CDHR3: variants seen among roughly 807,000 people sequenced by gnomAD.
The protein encoded by CDHR3 is cadherin related family member 3.
CDHR3 carries 79 observed loss-of-function variants against 86.6 expected under a neutral mutation model. That is an observed-to-expected ratio of 0.91 (90% confidence interval 0.76 to 1.10). CDHR3 has a LOEUF of 1.10. Ranked by LOEUF, CDHR3 falls within the 50% of genes least tolerant of loss-of-function variation. The probability of loss-of-function intolerance (pLI) is 0.00; values close to 1 mark genes in which losing one functional copy is unlikely to be tolerated. For synonymous variants in CDHR3, 421 were observed against 402.4 expected, an observed-to-expected ratio of 1.05 and a Z score of -0.55; for missense variants, 1,081 against 1,077.6, an observed-to-expected ratio of 1.00 and a Z score of -0.04.
At chr7:105,996,736 G>A (rs1268608259) in intron 6 of CDHR3, among the ~76,000 whole-genome samples, 3 of 152,116 alleles carry the variant, frequency 2.0e-5, no homozygotes, top group African/African-American at 4.8e-5. Flanking sequence ...CCTAACGCCC[G>A]CTCCTAGTAT....
chr7:106,033,692 G>A lies in CDHR3; in HGVS notation c.*995G>A, dbSNP rs1838675906. ...AGAGGTGGAGGTTACAGTGAGTTGAGATTGTGCCACTGCACTCTAGCCTGG... is the reference window on the plus strand; with the variant it reads ...AGAGGTGGAGGTTACAGTGAGTTGAAATTGTGCCACTGCACTCTAGCCTGG... On this transcript the variant is annotated 3_prime_UTR_variant, in exon 19 of 19. Transcript: ENST00000317716. 1 of 152,114 alleles carries A rather than the reference G, an allele frequency of 6.6e-6. No homozygotes were observed. Among genetic ancestry groups the A allele is most frequent in the Non-Finnish European group, 1.5e-5 (1 of 68,048 alleles). 9.4% of individuals were successfully genotyped at this position (152,114 alleles called of 1,614,324 possible).
intron 9 of CDHR3, among the ~76,000 whole-genome samples, chr7:106,013,813 A>C (rs937662850): frequency 1.9e-4 from 29 of 152,210 alleles, no homozygotes; most frequent in African/African-American, 7.0e-4. Flanking sequence ...AAATTAATAC[A>C]TGTTCTCTGT....
At chr7:105,989,873 T>A (rs1831099013) in intron 4 of CDHR3, among the ~76,000 whole-genome samples, 1 of 152,140 alleles carries the variant, frequency 6.6e-6, no homozygotes. Context: ...GTCCCCACCA[T>A]ACACCCCCAC....
At chr7:105,968,497 A>C (rs1190667694) in intron 1 of CDHR3, among the ~76,000 whole-genome samples, 3 of 152,014 alleles carry the variant, frequency 2.0e-5, no homozygotes, top group Admixed American at 2.0e-4. Context: ...AGTAGCTGGG[A>C]TTACAGGCAG....
chr7:106,026,217 G>A lies in CDHR3; in HGVS notation c.2259-465G>A, dbSNP rs1235434468. ...AGCTATAGAATCCAAGGTGATCATG[G>A]GAAATCTCGTAGGGTCTGAGTCCAG... On this transcript the variant is annotated intron_variant, in intron 15 of 18. Coordinates refer to ENST00000317716, the MANE Select transcript of CDHR3 (RefSeq NM_152750.5). Among the ~76,000 whole-genome samples, 3 of 152,138 alleles carry A rather than the reference G, an allele frequency of 2.0e-5. No homozygotes were observed. In the East Asian group the frequency reaches 5.8e-4, roughly 29 times the overall value.
intron 6 of CDHR3, among the ~76,000 whole-genome samples, chr7:105,997,379 T>A (rs922048919): frequency 3.3e-5 from 5 of 152,110 alleles, no homozygotes; most frequent in African/African-American, 1.2e-4. Flanking sequence ...CTGCAGTTCC[T>A]TTTTCAATCC....
chr7:106,009,654 G>A (rs114633825), intron 8 of CDHR3, among the ~76,000 whole-genome samples: 1,727 of 152,286 alleles, frequency 0.011, 37 homozygotes, highest in African/African-American at 0.04. Context: ...TGGAGGAGGC[G>A]GGCGCCCCCT....
At position 105,984,223 on chromosome 7, in the gene CDHR3, C is replaced by A. The variant is rs768028690; in HGVS notation, c.447C>A (p.Asn149Lys). Residue 149 changes from asparagine (N) to lysine (K), a missense_variant, in exon 4 of 19, where the codon AAC (asparagine) becomes AAA (lysine). By Grantham distance (94) the Asn-to-Lys change is moderately conservative. Coordinates refer to ENST00000317716, the MANE Select transcript of CDHR3 (RefSeq NM_152750.5). ...GLHLYIVERA[N>K]PGFIYQVEAF... ...ACCTCTACATAGTAGAAAGAGCAAA[C>A]CCTGGATTCATTTACCAGGTTGAGG... The A allele has an allele frequency of 7.5e-6, 12 of 1,610,472 alleles. No individual in the cohort carries two copies. The Admixed American group carries it at 1.8e-4, about 25-fold the overall frequency.
At chr7:105,997,015 T>C (rs1182832302) in intron 6 of CDHR3, among the ~76,000 whole-genome samples, 1 of 152,076 alleles carries the variant, frequency 6.6e-6, no homozygotes, top group Admixed American at 6.5e-5. Flanking sequence ...AGCTAGTAGA[T>C]GGCACTGCAA....
intron 1 of CDHR3, among the ~76,000 whole-genome samples, chr7:105,973,009 T>C (rs1427233503): frequency 6.6e-6 from 1 of 152,210 alleles, no homozygotes; most frequent in Non-Finnish European, 1.5e-5. Flanking sequence ...TAAAACATCC[T>C]GGTTTGTTTG....
chr7:106,027,254 G>A (rs138282638), intron 16 of CDHR3, among the ~76,000 whole-genome samples: 6,265 of 152,036 alleles, frequency 0.041, 171 homozygotes, highest in South Asian at 0.13. Context: ...AAAATTAGCC[G>A]GGCATGGTGG....
chr7:106,009,299 G>T (rs1330911197), intron 8 of CDHR3, among the ~76,000 whole-genome samples: 1 of 152,206 alleles, frequency 6.6e-6, no homozygotes, highest in Non-Finnish European at 1.5e-5. Flanking sequence ...CAGGGGCGGA[G>T]GTCTTCAGCC....
In CDHR3 at chr7:106,034,902, A is replaced by AC. The variant is rs1351758872; in HGVS notation, c.*2208dup. ...AGACCAGCCTGGCCAACATGGTGAA[A>AC]CCCTGTCTCTACTAAAAAATAGAAA... On this transcript the variant is annotated 3_prime_UTR_variant, in exon 19 of 19. Coordinates refer to ENST00000317716, the MANE Select transcript of CDHR3 (RefSeq NM_152750.5). Among the ~76,000 whole-genome samples, 1 of 152,096 alleles carries AC rather than the reference A, an allele frequency of 6.6e-6. No individual in the cohort carries two copies. Among genetic ancestry groups the AC allele is most frequent in the Non-Finnish European group, 1.5e-5 (1 of 68,010 alleles).
At chr7:105,969,771 C>T (rs1827651043) in intron 1 of CDHR3, among the ~76,000 whole-genome samples, 1 of 152,180 alleles carries the variant, frequency 6.6e-6, no homozygotes, top group South Asian at 2.1e-4. Flanking sequence ...TAGTGCATAT[C>T]CTTACTTTCA....
intron 9 of CDHR3, among the ~76,000 whole-genome samples, chr7:106,014,722 G>T (rs950467972): frequency 1.3e-5 from 2 of 152,176 alleles, no homozygotes; most frequent in African/African-American, 2.4e-5. Context: ...TCAGACTGTG[G>T]TTGACTCCAA....
chr7:105,986,463 C>T (rs1389768299), intron 4 of CDHR3, among the ~76,000 whole-genome samples: 1 of 152,120 alleles, frequency 6.6e-6, no homozygotes, highest in African/African-American at 2.4e-5. Flanking sequence ...CCTCACTTGT[C>T]AAAAGGTTTA....
chr7:106,012,918 T>C lies in CDHR3; in HGVS notation c.1111T>C (p.Cys371Arg), dbSNP rs748930662. 2 of 1,613,792 alleles carry C rather than the reference T, an allele frequency of 1.2e-6. No homozygotes were observed. Among genetic ancestry groups the C allele is most frequent in the Non-Finnish European group, 1.7e-6 (2 of 1,179,802 alleles). The change falls in exon 9 of 19, where the codon TGC (cysteine) becomes CGC (arginine). Residue 371 changes from cysteine (C) to arginine (R), a missense_variant. Physicochemically the swap from Cys to Arg is radical, Grantham distance 180 (BLOSUM62 -3). Transcript: ENST00000317716. The stretch of plus-strand genomic sequence containing the variant: ...GTTGCTTCTTGACCTAAACAAGTTC[T>C]GCTTTGATGATGACAGTGAGGCACC... ...GTLLLDLNKF[C>R]FDDDSEAPNN... is the part of the protein sequence containing the mutation.
At chr7:106,028,890 T>G (rs1275282579) in intron 17 of CDHR3, among the ~76,000 whole-genome samples, 1 of 152,078 alleles carries the variant, frequency 6.6e-6, no homozygotes, top group Non-Finnish European at 1.5e-5. Context: ...CCAAAACTAG[T>G]GCTTCAGCCT....
At chr7:105,975,323 C>G (rs1366649266) in intron 2 of CDHR3, among the ~76,000 whole-genome samples, 1 of 152,184 alleles carries the variant, frequency 6.6e-6, no homozygotes, top group Non-Finnish European at 1.5e-5. Flanking sequence ...CCTCACATGA[C>G]ATCAGGTGTT....
Sources: gnomAD v4.1 joint callset for allele counts (sites outside exome capture counted in the v4.1 genomes callset) on GRCh38, gnomAD v4.1.1 for gene constraint, MANE v1.5 for transcripts, NCBI Gene and HGNC (gene_info 2026-07-23, HGNC 2026-07-21) for gene names.